Variants in INO80C observed in about 807,000 individuals in gnomAD.
INO80C encodes IES6 homolog.
Under a neutral mutation model 17.7 loss-of-function variants are expected in INO80C, and 17 were observed. The observed-to-expected ratio is 0.96, with a 90% CI of 0.66 to 1.44. The LOEUF is 1.44. INO80C is among the 40% of genes most tolerant of loss of function. INO80C has a pLI of 0.00. For synonymous variants in INO80C, 96 were observed against 95.8 expected (o/e 1.00, Z -0.01); for missense variants, 244 against 245.0 (o/e 1.00, Z 0.03).
intron 1 of INO80C, among the ~76,000 whole-genome samples, chr18:35,486,714 C>A (rs560429641): frequency 1.3e-5 from 2 of 149,070 alleles, no homozygotes; most frequent in South Asian, 4.2e-4. Context: ...CAGGAGGCTG[C>A]ACTGCGCTAT....
intron 1 of INO80C, among the ~76,000 whole-genome samples, chr18:35,496,068 ATGCAAAAACAG>A: frequency 6.6e-6 from 1 of 152,238 alleles, no homozygotes; most frequent in Non-Finnish European, 1.5e-5. Context: ...GCCGGTAAGA[ATGCAAAAACAG>A]TGCAACTACT....
intron 1 of INO80C, 95 bp from the exon 2 acceptor site, chr18:35,480,658 G>A (rs1182477191): frequency 2.1e-6 from 2 of 938,036 alleles, no homozygotes; most frequent in Admixed American, 1.9e-5. Context: ...ATGCCACAGG[G>A]CATGCAAGGG....
intron 1 of INO80C, among the ~76,000 whole-genome samples, chr18:35,485,145 G>A (rs1393904251): frequency 2.6e-5 from 4 of 151,790 alleles, no homozygotes; most frequent in Non-Finnish European, 5.9e-5. Flanking sequence ...CCTATCTCCA[G>A]AATGTAACTG....
At chr18:35,470,510 A>T (rs1413981297) in intron 4 of INO80C, among the ~76,000 whole-genome samples, 2 of 152,182 alleles carry the variant, frequency 1.3e-5, no homozygotes, top group Non-Finnish European at 2.9e-5. Flanking sequence ...CTAGCAGGAG[A>T]GGCTGCCCTG....
chr18:35,491,954 A>G (rs1364573796), intron 1 of INO80C, among the ~76,000 whole-genome samples: 1 of 152,170 alleles, frequency 6.6e-6, no homozygotes, highest in African/African-American at 2.4e-5. Flanking sequence ...ACACACGCCT[A>G]TGCTAATAGA....
At chr18:35,489,140 C>A in intron 1 of INO80C, 1 of 170,930 alleles carries the variant, frequency 5.9e-6, no homozygotes. Flanking sequence ...TTCTTCTGAG[C>A]CCTCCAAACC....
intron 4 of INO80C, among the ~76,000 whole-genome samples, chr18:35,471,600 CT>C (rs560644307): frequency 6.9e-4 from 103 of 149,374 alleles, no homozygotes; most frequent in African/African-American, 2.2e-3. Flanking sequence ...CACACTATTT[CT>C]TTTTTTTTTA....
intron 4 of INO80C, among the ~76,000 whole-genome samples, chr18:35,474,207 C>CTATATATATATATATATATATA (rs58465669): frequency 1.7e-4 from 10 of 58,046 alleles, no homozygotes; most frequent in Non-Finnish European, 2.3e-4. Context: ...GTGTGTGTGT[C>CTATATATATATATATATATATA]TATATATATA....
chr18:35,474,044 G>A (rs2045701388), intron 4 of INO80C, among the ~76,000 whole-genome samples: 1 of 151,336 alleles, frequency 6.6e-6, no homozygotes, highest in Non-Finnish European at 1.5e-5. Flanking sequence ...AGGAAAATGT[G>A]ACGCACAGTT....
chr18:35,495,614 A>G (rs928200122), intron 1 of INO80C, among the ~76,000 whole-genome samples: 1 of 152,130 alleles, frequency 6.6e-6, no homozygotes, highest in Non-Finnish European at 1.5e-5. Flanking sequence ...CACTTTCAGA[A>G]GCTTGTGGTA....
At chr18:35,477,779 T>C (rs114024020) in intron 4 of INO80C, among the ~76,000 whole-genome samples, 1,969 of 152,202 alleles carry the variant, frequency 0.013, 44 homozygotes, top group African/African-American at 0.045. Flanking sequence ...GGGAGGAAGA[T>C]AGGCGGCCAG....
chr18:35,486,847 A>G (rs1016987406), intron 1 of INO80C, among the ~76,000 whole-genome samples: 2 of 151,736 alleles, frequency 1.3e-5, no homozygotes, highest in Non-Finnish European at 2.9e-5. Flanking sequence ...GGAAGAGAAG[A>G]GAAAGCTGTT....
intron 1 of INO80C, among the ~76,000 whole-genome samples, chr18:35,488,101 T>C (rs1170348288): frequency 6.6e-6 from 1 of 152,206 alleles, no homozygotes; most frequent in Non-Finnish European, 1.5e-5. Flanking sequence ...GCCTCCCTCC[T>C]GGCTACTTTC....
At chr18:35,482,579 C>A (rs1202822484) in intron 1 of INO80C, among the ~76,000 whole-genome samples, 1 of 152,138 alleles carries the variant, frequency 6.6e-6, no homozygotes, top group African/African-American at 2.4e-5. Flanking sequence ...GTGGCCGCCA[C>A]CTTCTGTCTG....
chr18:35,486,305 G>C (rs2045873449), intron 1 of INO80C, among the ~76,000 whole-genome samples: 1 of 152,176 alleles, frequency 6.6e-6, no homozygotes, highest in South Asian at 2.1e-4. Context: ...GAGATACGTA[G>C]TCACATTCAG....
At chr18:35,494,208 C>T (rs2045957275) in intron 1 of INO80C, among the ~76,000 whole-genome samples, 1 of 152,214 alleles carries the variant, frequency 6.6e-6, no homozygotes, top group African/African-American at 2.4e-5. Context: ...ACTATATCTT[C>T]CTAATGGTTT....
At position 35,497,702 on chromosome 18, in the gene INO80C, G is replaced by C. The variant is rs1429890945; in HGVS notation, c.156+17C>G. The C allele has an allele frequency of 1.2e-6, 2 of 1,608,052 alleles. No homozygotes were observed. Among genetic ancestry groups the C allele is most frequent in the Non-Finnish European group, 8.5e-7 (1 of 1,177,514 alleles). Reference sequence around the variant, plus strand: ...TTTCGCGACGCGCACGCGCAGCCTGGGAGCGCGACTGCGTACCTGCGCAAA... The same window carrying C: ...TTTCGCGACGCGCACGCGCAGCCTGCGAGCGCGACTGCGTACCTGCGCAAA... On this transcript the variant is annotated intron_variant, in intron 1 of 4. Transcript: ENST00000334598.
chr18:35,492,808 G>A (rs62100507), intron 1 of INO80C, among the ~76,000 whole-genome samples: 1 of 152,094 alleles, frequency 6.6e-6, no homozygotes, highest in Non-Finnish European at 1.5e-5. Context: ...CAAATGAAGA[G>A]GCTATTAAGT....
At chr18:35,472,696 A>T (rs943093783) in intron 4 of INO80C, among the ~76,000 whole-genome samples, 1 of 152,184 alleles carries the variant, frequency 6.6e-6, no homozygotes, top group African/African-American at 2.4e-5. Context: ...AAGCAGTACC[A>T]GTGTATGTTC....
Sources: allele counts gnomAD v4.1 joint callset (sites outside exome capture counted in the v4.1 genomes callset), GRCh38; gene constraint gnomAD v4.1.1; transcripts MANE v1.5; gene names NCBI Gene and HGNC (gene_info 2026-07-23, HGNC 2026-07-21).